FHIT: variants seen among roughly 807,000 people sequenced by gnomAD.
FHIT encodes the protein fragile histidine triad diadenosine triphosphatase, also known as bis(5'-adenosyl)-triphosphatase.
In FHIT, 19 loss-of-function variants were observed where a neutral mutation model predicts 17.9. The ratio of observed to expected loss-of-function variants is 1.06; its 90% CI spans 0.74 to 1.56. The LOEUF (loss-of-function observed/expected upper bound fraction) is 1.56, where lower values mean the gene tolerates loss of function less well. Ranked by LOEUF, FHIT falls within the 40% of genes most tolerant of loss-of-function variation. The pLI is 0.00. For missense variants in FHIT, 248 were observed against 189.2 expected (o/e 1.31, Z -1.82); for synonymous variants, 81 against 69.7 (o/e 1.16, Z -0.81).
rs369952269 is a variant in FHIT at position 60,662,755 on chromosome 3, G to A, written c.-17-125776C>T. Among the ~76,000 whole-genome samples the A allele has an allele frequency of 2.0e-5, 3 of 152,026 alleles. No homozygotes were observed. In the East Asian group the frequency reaches 5.8e-4, roughly 29 times the overall value. On this transcript the variant is annotated intron_variant, in intron 4 of 9. Coordinates refer to ENST00000492590, the MANE Select transcript of FHIT (RefSeq NM_002012.4). ...GTGTTTTGTAGTTTTCCTTGTAGTG[G>A]TCTTTCACCTCCTTGGTTAGGTATA...
At chr3:60,669,821 C>T (rs1461937737) in intron 4 of FHIT, among the ~76,000 whole-genome samples, 1 of 152,074 alleles carries the variant, frequency 6.6e-6, no homozygotes, top group Non-Finnish European at 1.5e-5. Flanking sequence ...CAGGAAGAGA[C>T]CCTGGGCAAT....
At chr3:60,520,985 C>A (rs1183486730) in intron 5 of FHIT, among the ~76,000 whole-genome samples, 2 of 152,026 alleles carry the variant, frequency 1.3e-5, no homozygotes, top group Non-Finnish European at 2.9e-5. Flanking sequence ...GAAAAAGGCT[C>A]ATATCAAATG....
intron 8 of FHIT, among the ~76,000 whole-genome samples, chr3:59,859,936 T>A (rs1299305265): frequency 6.6e-6 from 1 of 152,110 alleles, no homozygotes; most frequent in Non-Finnish European, 1.5e-5. Context: ...ATAATAGTAA[T>A]GAGAAGAGTG....
chr3:61,051,868 A>G (rs963182821), intron 2 of FHIT, among the ~76,000 whole-genome samples: 1 of 152,214 alleles, frequency 6.6e-6, no homozygotes, highest in African/African-American at 2.4e-5. Context: ...ACTGCATCTA[A>G]TGATGAGTAA....
chr3:60,440,489 C>T (rs890544292), intron 5 of FHIT, among the ~76,000 whole-genome samples: 6 of 152,046 alleles, frequency 3.9e-5, no homozygotes, highest in African/African-American at 1.4e-4. Context: ...TAATATGTAC[C>T]AGGTCCTACG....
chr3:60,048,079 T>C (rs1184673676), intron 5 of FHIT, among the ~76,000 whole-genome samples: 5 of 152,220 alleles, frequency 3.3e-5, no homozygotes, highest in East Asian at 1.9e-4. Flanking sequence ...TGCACCTTCC[T>C]GGTATGCCTT....
intron 2 of FHIT, among the ~76,000 whole-genome samples, chr3:61,094,415 A>T (rs556956536): frequency 6.6e-6 from 1 of 152,240 alleles, no homozygotes; most frequent in East Asian, 1.9e-4. Context: ...CATAATATCC[A>T]CCTAAGAAGA....
intron 4 of FHIT, among the ~76,000 whole-genome samples, chr3:60,717,393 C>A (rs974518489): frequency 2.6e-5 from 4 of 152,028 alleles, no homozygotes; most frequent in Admixed American, 2.0e-4. Context: ...GCAATGTATA[C>A]ATATATCAAA....
At chr3:60,937,542 TTTTTTTTCTTTTTTCTTTTCTTTTC>T (rs1708239961) in intron 3 of FHIT, among the ~76,000 whole-genome samples, 1 of 144,826 alleles carries the variant, frequency 6.9e-6, no homozygotes, top group Admixed American at 7.3e-5. Flanking sequence ...GTCTACTGCT[TTTTTTTTCTTTTTTCTTTTCTTTTC>T]TTTTTTTTTT....
chr3:60,454,919 G>A (rs894998780), intron 5 of FHIT, among the ~76,000 whole-genome samples: 97 of 151,838 alleles, frequency 6.4e-4, no homozygotes, highest in Non-Finnish European at 3.1e-4. Flanking sequence ...ACAAACTTGG[G>A]TATTACCCAA....
At chr3:60,104,184 A>G (rs888939282) in intron 5 of FHIT, among the ~76,000 whole-genome samples, 1 of 152,188 alleles carries the variant, frequency 6.6e-6, no homozygotes, top group African/African-American at 2.4e-5. Flanking sequence ...ATGTAGCATC[A>G]AAGATAACTT....
At chr3:60,967,250 G>A (rs1012256997) in intron 3 of FHIT, among the ~76,000 whole-genome samples, 15 of 152,276 alleles carry the variant, frequency 9.9e-5, no homozygotes, top group Admixed American at 3.3e-4. Context: ...ATGTATGAAC[G>A]TTGCTCTGGG....
chr3:60,507,151 G>C (rs1012370045), intron 5 of FHIT, among the ~76,000 whole-genome samples: 1 of 152,168 alleles, frequency 6.6e-6, no homozygotes, highest in Non-Finnish European at 1.5e-5. Flanking sequence ...CAAGACTGAG[G>C]TTTCAAAAGA....
chr3:60,562,628 G>A (rs1487558134), intron 4 of FHIT, among the ~76,000 whole-genome samples: 1 of 152,098 alleles, frequency 6.6e-6, no homozygotes, highest in Non-Finnish European at 1.5e-5. Flanking sequence ...GTGTGGTCTG[G>A]GGAATACCAG....
At chr3:60,735,188 G>C (rs1553712279) in intron 4 of FHIT, among the ~76,000 whole-genome samples, 1 of 152,188 alleles carries the variant, frequency 6.6e-6, no homozygotes, top group East Asian at 1.9e-4. Context: ...TAAATTTACA[G>C]ACAGGAAACC....
chr3:59,909,309 C>T (rs182243637), intron 8 of FHIT, among the ~76,000 whole-genome samples: 19 of 151,690 alleles, frequency 1.3e-4, no homozygotes, highest in Non-Finnish European at 1.6e-4. Context: ...TGGGATTACT[C>T]GCATGAGCCA....
At chr3:59,805,147 C>T (rs574888889) in intron 8 of FHIT, among the ~76,000 whole-genome samples, 10 of 152,220 alleles carry the variant, frequency 6.6e-5, no homozygotes, top group African/African-American at 2.4e-4. Flanking sequence ...TGTCCCTTTC[C>T]GGCGTGTCCT....
chr3:60,891,412 A>G (rs1266844770), intron 3 of FHIT, among the ~76,000 whole-genome samples: 2 of 152,112 alleles, frequency 1.3e-5, no homozygotes, highest in Non-Finnish European at 2.9e-5. Context: ...AAAACTTTGA[A>G]CTCTCACCAA....
At chr3:60,952,970 CT>C (rs1708954801) in intron 3 of FHIT, among the ~76,000 whole-genome samples, 1 of 152,066 alleles carries the variant, frequency 6.6e-6, no homozygotes, top group Non-Finnish European at 1.5e-5. Flanking sequence ...AATGTGTGTG[CT>C]TTTCTCCCAT....
Sources: allele counts gnomAD v4.1 joint callset (sites outside exome capture counted in the v4.1 genomes callset), GRCh38; gene constraint gnomAD v4.1.1; transcripts MANE v1.5; gene names NCBI Gene and HGNC (gene_info 2026-07-23, HGNC 2026-07-21).